Variants in CNTNAP2 observed in about 807,000 individuals in gnomAD.
CNTNAP2 encodes contactin-associated protein-like 2.
Under a neutral mutation model 155.2 loss-of-function variants are expected in CNTNAP2, and 98 were observed. The ratio of observed to expected loss-of-function variants is 0.63; its 90% CI spans 0.54 to 0.75. The LOEUF (loss-of-function observed/expected upper bound fraction) is 0.75. CNTNAP2 is among the 30% of genes least tolerant of loss of function. The pLI is 0.00. For missense variants in CNTNAP2, 1,727 were observed against 1,688.1 expected, an observed-to-expected ratio of 1.02 and a Z score of -0.40; for synonymous variants, 651 against 631.2, an observed-to-expected ratio of 1.03 and a Z score of -0.47.
intron 1 of CNTNAP2, among the ~76,000 whole-genome samples, chr7:146,481,278 C>T (rs763011977): frequency 6.6e-6 from 1 of 152,150 alleles, no homozygotes; most frequent in Non-Finnish European, 1.5e-5. Flanking sequence ...TTTACTTATT[C>T]GTAACATTAG....
At chr7:146,171,203 T>G (rs1165196000) in intron 1 of CNTNAP2, among the ~76,000 whole-genome samples, 2 of 152,172 alleles carry the variant, frequency 1.3e-5, no homozygotes, top group African/African-American at 4.8e-5. Flanking sequence ...TCACCAATCC[T>G]TCTTAGCTTT....
intron 21 of CNTNAP2, among the ~76,000 whole-genome samples, chr7:148,297,349 G>A (rs1797305520): frequency 1.3e-5 from 2 of 152,214 alleles, no homozygotes; most frequent in Admixed American, 1.3e-4. Context: ...GGTGAGTGGA[G>A]GGTTCCCATC....
chr7:147,732,181 T>TCCCCCCCCCCCCC (rs199519152), intron 13 of CNTNAP2, among the ~76,000 whole-genome samples: 942 of 108,128 alleles, frequency 8.7e-3, no homozygotes, highest in Non-Finnish European at 0.011. Flanking sequence ...ATGCTATCCC[T>TCCCCCCCCCCCCC]CCCCCCCCCA....
chr7:146,527,781 G>A (rs1797712884), intron 1 of CNTNAP2, among the ~76,000 whole-genome samples: 1 of 150,848 alleles, frequency 6.6e-6, no homozygotes, highest in South Asian at 2.1e-4. Flanking sequence ...TTGCTGGGAT[G>A]CTTGAACAAA....
At chr7:146,629,474 G>C (rs963437094) in intron 1 of CNTNAP2, among the ~76,000 whole-genome samples, 1 of 152,076 alleles carries the variant, frequency 6.6e-6, no homozygotes, top group Non-Finnish European at 1.5e-5. Flanking sequence ...CAGTTGAATA[G>C]TTTCTCTAGG....
Position 146,566,118 on chromosome 7 carries a change from G to A in CNTNAP2, c.98-208153G>A, listed in dbSNP as rs1465734513. On this transcript the variant is annotated intron_variant, in intron 1 of 23. Coordinates refer to ENST00000361727, the MANE Select transcript of CNTNAP2 (RefSeq NM_014141.6). Reference sequence around the variant, plus strand: ...GTTGCTGGTGTAGGCTCTGGGAGGTGAACATCAGCTTTGTTATTCCAGCTG... The same window carrying A: ...GTTGCTGGTGTAGGCTCTGGGAGGTAAACATCAGCTTTGTTATTCCAGCTG... 2.6e-5 allele frequency among the ~76,000 whole-genome samples: 4 copies of A among 152,182 alleles called. No individual in the cohort carries two copies. The East Asian group carries it at 7.7e-4, about 29-fold the overall frequency.
rs200181877 is a variant in CNTNAP2, at chr7:146,450,230, CATTT to C, written c.98-324039_98-324036del. Among the ~76,000 whole-genome samples, 1,109 of 152,196 alleles carry C rather than the reference CATTT, an allele frequency of 7.3e-3. 12 individuals are homozygous for C. The highest frequency in any genetic ancestry group is 0.022 in the African/African-American group (908 of 41,506). On this transcript the variant is annotated intron_variant, in intron 1 of 23. Coordinates refer to ENST00000361727, the MANE Select transcript of CNTNAP2 (RefSeq NM_014141.6). ...ATATTGCATTTTAAAGAAAATATGA[CATTT>C]AGCTGTATTAATACTTTGTGTTTTA...
chr7:148,136,633 G>A lies in CNTNAP2; in HGVS notation c.2555-10858G>A, dbSNP rs190187763. On this transcript the variant is annotated intron_variant, in intron 16 of 23. Coordinates refer to ENST00000361727, the MANE Select transcript of CNTNAP2 (RefSeq NM_014141.6). ...GAACAGCTGGATAGTACTGCTAACC[G>A]ATGACCCTATCCCCAAAGCTGTTTC... 1.9e-3 allele frequency among the ~76,000 whole-genome samples: 292 copies of A among 152,222 alleles called. 2 individuals are homozygous for A. The highest frequency in any genetic ancestry group is 5.6e-3 in the African/African-American group (232 of 41,546).
At chr7:147,385,190 G>A (rs1056358026) in intron 9 of CNTNAP2, among the ~76,000 whole-genome samples, 1 of 152,140 alleles carries the variant, frequency 6.6e-6, no homozygotes, top group Non-Finnish European at 1.5e-5. Context: ...TTCCTTCCCT[G>A]ACTCGTGGGA....
intron 11 of CNTNAP2, among the ~76,000 whole-genome samples, chr7:147,492,209 T>G (rs1210198149): frequency 6.6e-6 from 1 of 152,016 alleles, no homozygotes; most frequent in Non-Finnish European, 1.5e-5. Flanking sequence ...TCATAAGGAG[T>G]GCACAACCTC....
At chr7:147,770,053 TGA>T (rs1304368539) in intron 13 of CNTNAP2, among the ~76,000 whole-genome samples, 4 of 152,140 alleles carry the variant, frequency 2.6e-5, no homozygotes, top group Non-Finnish European at 5.9e-5. Context: ...TGTGTGTGTG[TGA>T]GAGACACGAT....
chr7:147,441,320 CTTG>C (rs962254613), intron 10 of CNTNAP2, among the ~76,000 whole-genome samples: 16 of 152,168 alleles, frequency 1.1e-4, no homozygotes, highest in African/African-American at 3.6e-4. Context: ...TTATCTCAAT[CTTG>C]TTGTTAAATT....
intron 1 of CNTNAP2, among the ~76,000 whole-genome samples, chr7:146,533,107 C>CAAAAAAAAAAAAAAA (rs553035616): frequency 6.3e-5 from 3 of 47,852 alleles, no homozygotes; most frequent in African/African-American, 1.4e-4. Flanking sequence ...GACCCTGTCT[C>CAAAAAAAAAAAAAAA]AAAAAAAAAA....
chr7:146,355,140 A>G (rs1283151555), intron 1 of CNTNAP2, among the ~76,000 whole-genome samples: 1 of 152,238 alleles, frequency 6.6e-6, no homozygotes, highest in African/African-American at 2.4e-5. Context: ...TACACATCAA[A>G]TCAAATTATT....
In CNTNAP2 at chr7:148,252,585, G is replaced by T. The variant is rs534125574; in HGVS notation, c.3382-14448G>T. Reference sequence around the variant, plus strand: ...CAGTAGCCTCTATTGACTATTTCAGGGTCGGGGAGAGGGGTACACAGCACA... The same window carrying T: ...CAGTAGCCTCTATTGACTATTTCAGTGTCGGGGAGAGGGGTACACAGCACA... On this transcript the variant is annotated intron_variant, in intron 20 of 23. Transcript: ENST00000361727. Among the ~76,000 whole-genome samples the T allele has an allele frequency of 6.6e-5, 10 of 152,224 alleles. No homozygotes were observed. The East Asian group carries it at 1.7e-3, about 26-fold the overall frequency.
chr7:146,613,168 T>A (rs1002868583), intron 1 of CNTNAP2, among the ~76,000 whole-genome samples: 1 of 152,166 alleles, frequency 6.6e-6, no homozygotes, highest in Non-Finnish European at 1.5e-5. Flanking sequence ...CCACCACTGT[T>A]AAAACCTCCA....
intron 2 of CNTNAP2, among the ~76,000 whole-genome samples, chr7:146,786,635 A>G (rs1243559058): frequency 6.6e-6 from 1 of 152,196 alleles, no homozygotes; most frequent in Non-Finnish European, 1.5e-5. Context: ...GACATTTAAG[A>G]CAGTCTATTT....
intron 15 of CNTNAP2, among the ~76,000 whole-genome samples, chr7:148,077,707 A>G (rs1332663317): frequency 1.3e-5 from 2 of 152,242 alleles, no homozygotes; most frequent in Non-Finnish European, 2.9e-5. Flanking sequence ...GAATTGTCTC[A>G]TCAGTAAAAG....
chr7:147,186,207 T>G (rs982347485), intron 8 of CNTNAP2, among the ~76,000 whole-genome samples: 1 of 152,172 alleles, frequency 6.6e-6, no homozygotes, highest in Non-Finnish European at 1.5e-5. Context: ...ATCTTAATGC[T>G]TACACTAAAT....
Sources: gnomAD v4.1 joint callset for allele counts (sites outside exome capture counted in the v4.1 genomes callset) on GRCh38, gnomAD v4.1.1 for gene constraint, MANE v1.5 for transcripts, NCBI Gene and HGNC (gene_info 2026-07-23, HGNC 2026-07-21) for gene names.